The following NFYB variants were observed in gnomAD, a reference collection of about 807,000 sequenced individuals.
The protein encoded by NFYB is nuclear transcription factor Y subunit beta, also known as CAAT box DNA-binding protein subunit B.
NFYB carries 13 observed loss-of-function variants against 28.0 expected under a neutral mutation model. That is an observed-to-expected ratio of 0.46 (90% confidence interval 0.30 to 0.74). NFYB has a LOEUF of 0.74. Among genes scored for constraint, NFYB ranks in the 30% least tolerant of loss-of-function variants. NFYB has a pLI of 0.07. For synonymous variants in NFYB, 74 were observed against 75.0 expected (o/e 0.99, Z 0.07); for missense variants, 142 against 247.6 (o/e 0.57, Z 2.86).
At chr12:104,131,327 G>A (rs994045818) in intron 2 of NFYB, 9 of 158,870 alleles carry the variant, frequency 5.7e-5, no homozygotes, top group African/African-American at 1.9e-4. Flanking sequence ...AAGAGAAGCC[G>A]CACATCATCT....
At chr12:104,121,927 C>T (rs1173250982) in intron 5 of NFYB, among the ~76,000 whole-genome samples, 5 of 152,130 alleles carry the variant, frequency 3.3e-5, no homozygotes, top group Non-Finnish European at 7.4e-5. Flanking sequence ...AATCTGACAC[C>T]TAAGCTGGCA....
At chr12:104,136,570 A>AT (rs904586022) in intron 1 of NFYB, among the ~76,000 whole-genome samples, 2 of 152,184 alleles carry the variant, frequency 1.3e-5, no homozygotes, top group African/African-American at 4.8e-5. Context: ...GAGAAATGTT[A>AT]TTTTTTAAAG....
At chr12:104,126,060 T>C in intron 4 of NFYB, 54 bp downstream of exon 4, 4 of 1,506,504 alleles carry the variant, frequency 2.7e-6, no homozygotes, top group Non-Finnish European at 2.7e-6. Flanking sequence ...TATGAATTCA[T>C]GTAGTTTCGT....
In NFYB at chr12:104,119,515, T is replaced by C. The variant is rs1400921621; in HGVS notation, c.*222A>G. ...AACAAACTCTCGTACAAAACAAAAA[T>C]ATTTTAATACCTTTAAAATCCAAAT... On this transcript the variant is annotated 3_prime_UTR_variant, in exon 8 of 8. Coordinates refer to ENST00000240055, the MANE Select transcript of NFYB (RefSeq NM_006166.4). 9.1e-6 allele frequency: 4 copies of C among 441,956 alleles called. No individual in the cohort carries two copies. Among genetic ancestry groups the C allele is most frequent in the Admixed American group, 3.7e-5 (1 of 27,040 alleles). The allele number at this position is 441,956 out of a possible 1,614,324, so 27.4% of individuals were successfully genotyped here. A position where few individuals can be genotyped will look rare whatever the true frequency, so the allele number is the denominator to read the frequency against.
intron 4 of NFYB, chr12:104,125,088 AT>A (rs754155961): frequency 1.6e-4 from 24 of 152,228 alleles, no homozygotes; most frequent in East Asian, 3.8e-4. Flanking sequence ...AGAAAAAAAA[AT>A]ATCAATTTAA....
chr12:104,126,205 C>T lies in NFYB; in HGVS notation c.140G>A (p.Gly47Asp), dbSNP rs751518737. The T allele has an allele frequency of 4.4e-6, 7 of 1,604,144 alleles. No individual in the cohort carries two copies. The highest frequency in any genetic ancestry group is 6.0e-6 in the Non-Finnish European group (7 of 1,175,760). ...DSMNDHEDTN[G>D]SKESFREQDI... ...TTGTTCTCTGAAACTTTCTTTTGAACCATTTGTGTCTTCATGATCATTCAT... is the reference window on the plus strand; with the variant it reads ...TTGTTCTCTGAAACTTTCTTTTGAATCATTTGTGTCTTCATGATCATTCAT... Residue 47 changes from glycine (G) to aspartate (D), a missense_variant, in exon 4 of 8, where the codon GGT becomes GAT. Gly to Asp is a moderately conservative substitution (Grantham distance 94, BLOSUM62 -1). This residue lies in a region of NFYB where 54 missense variants were observed against 58.1 expected (regional missense o/e 0.93). Transcript: ENST00000240055.
chr12:104,120,543 T>G, intron 6 of NFYB, 64 bp from the exon 7 acceptor site: 3 of 1,160,500 alleles, frequency 2.6e-6, no homozygotes, highest in Middle Eastern at 2.0e-4. Flanking sequence ...GGTTGTATCT[T>G]AAGGTTGTAC....
intron 2 of NFYB, chr12:104,131,364 GC>G (rs1427345873): frequency 5.4e-6 from 1 of 185,894 alleles, no homozygotes; most frequent in Non-Finnish European, 1.1e-5. Flanking sequence ...CTTCAGTTCT[GC>G]AAGTTTTAGC....
intron 4 of NFYB, among the ~76,000 whole-genome samples, chr12:104,124,376 A>G (rs1170706958): frequency 6.6e-6 from 1 of 152,222 alleles, no homozygotes; most frequent in Non-Finnish European, 1.5e-5. Context: ...TGAAACTCCA[A>G]TGGATTAATC....
intron 4 of NFYB, among the ~76,000 whole-genome samples, chr12:104,124,456 C>T (rs1291601467): frequency 6.6e-6 from 1 of 152,178 alleles, no homozygotes; most frequent in Non-Finnish European, 1.5e-5. Flanking sequence ...TGTCTTTCAC[C>T]GCCATGCCTA....
chr12:104,120,359 C>T (rs1372827517), intron 7 of NFYB, 41 bp downstream of exon 7: 1 of 1,546,648 alleles, frequency 6.5e-7, no homozygotes, highest in Non-Finnish European at 8.9e-7. Flanking sequence ...CCTGTCGATA[C>T]AATCAAATTT....
rs942698695 is a variant in NFYB at position 104,119,022 on chromosome 12, T to C, written c.*715A>G. On this transcript the variant is annotated 3_prime_UTR_variant, in exon 8 of 8. Transcript: ENST00000240055. ...ATTCCCACATTCTTAAAAATGTAAC[T>C]CAAAACCAAATCTAGTCTTAAAAAA... 8 of 152,216 alleles carry C rather than the reference T, an allele frequency of 5.3e-5. No homozygotes were observed. Among genetic ancestry groups the C allele is most frequent in the South Asian group, 2.1e-4 (1 of 4,822 alleles). 9.4% of individuals were successfully genotyped at this position (152,216 alleles called of 1,614,324 possible). A position where few individuals can be genotyped will look rare whatever the true frequency, so the allele number is the denominator to read the frequency against.
intron 1 of NFYB, among the ~76,000 whole-genome samples, chr12:104,136,869 C>G (rs1373663224): frequency 1.3e-5 from 2 of 152,188 alleles, no homozygotes; most frequent in African/African-American, 4.8e-5. Flanking sequence ...CCAAGAAAAG[C>G]AGTAGTCCCT....
At chr12:104,137,408 A>T (rs2031143887) in intron 1 of NFYB, 1 of 152,298 alleles carries the variant, frequency 6.6e-6, no homozygotes. Flanking sequence ...GCAAACCGCC[A>T]GATGGCTGCA....
In NFYB at chr12:104,123,258, G is replaced by A. The variant is rs1410216715; in HGVS notation, c.397C>T (p.Pro133Ser). The change falls in exon 5 of 8, where the codon CCT becomes TCT. Residue 133 changes from proline (P) to serine (S), a missense_variant. By Grantham distance (74) the Pro-to-Ser change is moderately conservative. Transcript: ENST00000240055. ...STLGFDSYVE[P>S]LKLYLQKFRE... ...AATTTCTGAAGGTATAATTTCAGAG[G>A]TTCCACATAACTGTCAAAGCCTAAA... is the stretch of plus-strand genomic sequence containing the variant. 1 of 1,613,458 alleles carries A rather than the reference G, an allele frequency of 6.2e-7. No homozygotes were observed. Among genetic ancestry groups the A allele is most frequent in the Non-Finnish European group, 8.5e-7 (1 of 1,179,848 alleles).
intron 1 of NFYB, among the ~76,000 whole-genome samples, chr12:104,136,964 G>A (rs556078323): frequency 1.3e-5 from 2 of 152,328 alleles, no homozygotes; most frequent in African/African-American, 4.8e-5. Flanking sequence ...CAAGAGCAAT[G>A]CAGGGAAGGA....
intron 1 of NFYB, chr12:104,137,298 T>C (rs1301806350): frequency 6.6e-6 from 1 of 152,256 alleles, no homozygotes; most frequent in African/African-American, 2.4e-5. Context: ...CTACCGTTCT[T>C]TAAGGCCCTG....
At chr12:104,135,079 GT>G (rs970519084) in intron 2 of NFYB, among the ~76,000 whole-genome samples, 7 of 152,158 alleles carry the variant, frequency 4.6e-5, no homozygotes, top group African/African-American at 1.7e-4. Flanking sequence ...GGATCCCTCT[GT>G]GACATTCCCA....
intron 2 of NFYB, among the ~76,000 whole-genome samples, chr12:104,130,752 C>CT (rs1262613465): frequency 6.6e-6 from 1 of 152,042 alleles, no homozygotes; most frequent in Non-Finnish European, 1.5e-5. Context: ...GGAGAGTATC[C>CT]TTTAATAGAC....
Sources: gnomAD v4.1 joint callset for allele counts (sites outside exome capture counted in the v4.1 genomes callset) on GRCh38, gnomAD v4.1.1 for gene constraint, gnomAD v4.1.1 regional missense constraint, MANE v1.5 for transcripts, NCBI Gene and HGNC (gene_info 2026-07-23, HGNC 2026-07-21) for gene names.